Variants in LPP observed in about 807,000 individuals in gnomAD.
LPP encodes LIM domain containing preferred translocation partner in lipoma, also known as lipoma-preferred partner.
A neutral mutation model predicts 60.4 loss-of-function variants in LPP; 38 were observed. That is an observed-to-expected ratio of 0.63 (90% CI 0.49 to 0.83). The LOEUF (loss-of-function observed/expected upper bound fraction) is 0.83. Among genes scored for constraint, LPP ranks in the 40% least tolerant of loss-of-function variants. LPP has a pLI of 0.00. For missense variants in LPP, 902 were observed against 783.6 expected, an observed-to-expected ratio of 1.15 and a Z score of -1.80; for synonymous variants, 328 against 290.8, an observed-to-expected ratio of 1.13 and a Z score of -1.30.
intron 9 of LPP, among the ~76,000 whole-genome samples, chr3:188,778,134 T>C (rs1383418034): frequency 6.6e-6 from 1 of 152,200 alleles, no homozygotes; most frequent in Admixed American, 6.5e-5. Flanking sequence ...TCCAACTGTT[T>C]TCCACTGGAA....
chr3:188,426,682 C>T (rs910164835), intron 4 of LPP, among the ~76,000 whole-genome samples: 3 of 151,986 alleles, frequency 2.0e-5, no homozygotes, highest in Admixed American at 1.3e-4. Context: ...CTTTTTGTTG[C>T]GTTGCTCCCT....
chr3:188,478,072 G>C (rs1803703784), intron 4 of LPP, among the ~76,000 whole-genome samples: 1 of 152,116 alleles, frequency 6.6e-6, no homozygotes. Flanking sequence ...CATTATAGCT[G>C]TGGCATAATT....
intron 4 of LPP, among the ~76,000 whole-genome samples, chr3:188,412,290 T>C (rs1785098440): frequency 6.6e-6 from 1 of 152,186 alleles, no homozygotes; most frequent in African/African-American, 2.4e-5. Context: ...TCCTTTAGTA[T>C]ATAAATTAAA....
intron 8 of LPP, among the ~76,000 whole-genome samples, chr3:188,718,643 C>T (rs1018399047): frequency 4.7e-4 from 71 of 152,234 alleles, no homozygotes; most frequent in African/African-American, 1.6e-3. Context: ...ATGTTTAGTT[C>T]AGTATTGTGT....
At chr3:188,226,079 G>A (rs539287537) in intron 2 of LPP, among the ~76,000 whole-genome samples, 40 of 152,184 alleles carry the variant, frequency 2.6e-4, no homozygotes, top group Middle Eastern at 6.8e-3. Context: ...TGCCATCTTG[G>A]CTCACTGCAA....
intron 6 of LPP, among the ~76,000 whole-genome samples, chr3:188,540,165 T>G (rs751834373): frequency 3.3e-5 from 5 of 152,138 alleles, no homozygotes. Flanking sequence ...AGTCTCTGAG[T>G]TTCTTTCAAT....
intron 2 of LPP, among the ~76,000 whole-genome samples, chr3:188,242,342 G>C (rs1725256766): frequency 6.6e-6 from 1 of 151,176 alleles, no homozygotes; most frequent in Non-Finnish European, 1.5e-5. Context: ...GATTCTTCTT[G>C]CATTCAGGTC....
At chr3:188,576,246 A>G (rs1834590944) in intron 6 of LPP, among the ~76,000 whole-genome samples, 1 of 152,174 alleles carries the variant, frequency 6.6e-6, no homozygotes, top group African/African-American at 2.4e-5. Flanking sequence ...CTTTAAGTAC[A>G]CAGAATTTAA....
At chr3:188,345,652 C>G (rs975602489) in intron 3 of LPP, among the ~76,000 whole-genome samples, 5 of 152,210 alleles carry the variant, frequency 3.3e-5, no homozygotes, top group Non-Finnish European at 5.9e-5. Flanking sequence ...AGACCCTTCT[C>G]TCTTATTTCA....
chr3:188,661,130 T>C lies in LPP; in HGVS notation c.1114-47137T>C, dbSNP rs186615023. Among the ~76,000 whole-genome samples the C allele has an allele frequency of 1.0e-3, 153 of 152,310 alleles. 2 individuals are homozygous for C. Among genetic ancestry groups the C allele is most frequent in the African/African-American group, 3.6e-3 (149 of 41,566 alleles). On this transcript the variant is annotated intron_variant, in intron 7 of 11. Coordinates refer to ENST00000617246, the MANE Select transcript of LPP (RefSeq NM_001375462.1). ...CATATTGCCATTTTACTGAATAATATACATTCAAGGTTCATCCATGTCTTC... is the reference window on the plus strand; with the variant it reads ...CATATTGCCATTTTACTGAATAATACACATTCAAGGTTCATCCATGTCTTC...
intron 8 of LPP, among the ~76,000 whole-genome samples, chr3:188,732,176 A>G (rs1038551264): frequency 6.6e-6 from 1 of 152,244 alleles, no homozygotes; most frequent in African/African-American, 2.4e-5. Flanking sequence ...GGGAAAGGAC[A>G]TGTTTGTCAA....
intron 1 of LPP, among the ~76,000 whole-genome samples, chr3:188,211,163 G>A (rs1734591915): frequency 6.6e-6 from 1 of 152,128 alleles, no homozygotes; most frequent in Admixed American, 6.5e-5. Flanking sequence ...CTAGATATCT[G>A]CCTAATTTGT....
intron 1 of LPP, among the ~76,000 whole-genome samples, chr3:188,195,345 C>T (rs888195751): frequency 3.3e-5 from 5 of 151,946 alleles, no homozygotes; most frequent in African/African-American, 4.8e-5. Flanking sequence ...ATGAAACTTA[C>T]GCCGTTAATA....
chr3:188,335,603 TTTC>T (rs1203970982), intron 2 of LPP, among the ~76,000 whole-genome samples: 3 of 152,334 alleles, frequency 2.0e-5, no homozygotes, highest in African/African-American at 7.2e-5. Context: ...CTTTGTTGAA[TTTC>T]TTCTTCATAT....
In LPP at chr3:188,843,209, G is replaced by A. The variant is rs183304906; in HGVS notation, c.1411-22991G>A. Among the ~76,000 whole-genome samples the A allele has an allele frequency of 2.0e-5, 3 of 152,256 alleles. No individual in the cohort carries two copies. In the East Asian group the frequency reaches 5.8e-4, roughly 29 times the overall value. ...TCTTCTATCAGTTCTAAGGGCCTCA[G>A]GGTATTTGCCATGAGGGGCTGTGAC... On this transcript the variant is annotated intron_variant, in intron 9 of 11. Transcript: ENST00000617246.
At chr3:188,839,066 A>C (rs1291434483) in intron 9 of LPP, among the ~76,000 whole-genome samples, 1 of 152,156 alleles carries the variant, frequency 6.6e-6, no homozygotes, top group African/African-American at 2.4e-5. Context: ...TAGGAATCAC[A>C]ATTTGCAGTG....
rs1257085181 is a variant in LPP at position 188,368,719 on chromosome 3, C to CACACACACACACAGAG, written c.-10+27001_-10+27002insCACACACACACAGAGA. On this transcript the variant is annotated intron_variant, in intron 3 of 11. Transcript: ENST00000617246. ...ACACACACACACACACACACACACACAGAGAGAGAGAGAGAGAGAGAGAGA... is the reference window on the plus strand; with the variant it reads ...ACACACACACACACACACACACACACACACACACACACAGAGAGAGAGAGAGAGAGAGAGAGAGAGA... Among the ~76,000 whole-genome samples the CACACACACACACAGAG allele has an allele frequency of 7.0e-5, 7 of 99,652 alleles. No individual in the cohort carries two copies. In the East Asian group the frequency reaches 1.1e-3, roughly 16 times the overall value. 65.4% of individuals were successfully genotyped at this position (99,652 alleles called of 152,430 possible). A position where few individuals can be genotyped will look rare whatever the true frequency, so the allele number is the denominator to read the frequency against.
rs576394791 is a variant in LPP, at chr3:188,373,649, C to T, written c.-10+31930C>T. ...TAGGTTGCAAAAATTTTCTCCCATT[C>T]TGTAGGTTGCCTGTTCACTCTGATG... On this transcript the variant is annotated intron_variant, in intron 3 of 11. Transcript: ENST00000617246. Among the ~76,000 whole-genome samples, 37 of 152,050 alleles carry T rather than the reference C, an allele frequency of 2.4e-4. 1 individual carries two copies. The South Asian group carries it at 4.8e-3, about 20-fold the overall frequency.
At chr3:188,470,716 C>A (rs1276354331) in intron 4 of LPP, among the ~76,000 whole-genome samples, 1 of 152,006 alleles carries the variant, frequency 6.6e-6, no homozygotes, top group Non-Finnish European at 1.5e-5. Flanking sequence ...ATAGCTTGGG[C>A]TCAGATAGTG....
Sources: allele counts gnomAD v4.1 joint callset (sites outside exome capture counted in the v4.1 genomes callset), GRCh38; gene constraint gnomAD v4.1.1; transcripts MANE v1.5; gene names NCBI Gene and HGNC (gene_info 2026-07-23, HGNC 2026-07-21).